The following CNTN4 variants were observed in gnomAD, a reference collection of about 807,000 sequenced individuals.
CNTN4 encodes contactin 4, also known as contactin-4.
A neutral mutation model predicts 122.5 loss-of-function variants in CNTN4; 77 were observed. That is an observed-to-expected ratio of 0.63 (90% CI 0.52 to 0.76). CNTN4 has a LOEUF of 0.76. Among genes scored for constraint, CNTN4 ranks in the 30% least tolerant of loss-of-function variants. The pLI is 0.00. For missense variants in CNTN4, 1,256 were observed against 1,259.1 expected, an observed-to-expected ratio of 1.00 and a Z score of 0.04; for synonymous variants, 512 against 447.0, an observed-to-expected ratio of 1.15 and a Z score of -1.83.
chr3:2,367,921 T>C (rs959292914), intron 3 of CNTN4, among the ~76,000 whole-genome samples: 2 of 152,182 alleles, frequency 1.3e-5, no homozygotes, highest in Non-Finnish European at 2.9e-5. Flanking sequence ...GTAAGTACTA[T>C]TATTTTTCTC....
At chr3:2,859,295 T>C (rs955917985) in intron 7 of CNTN4, among the ~76,000 whole-genome samples, 4 of 152,234 alleles carry the variant, frequency 2.6e-5, no homozygotes, top group African/African-American at 9.6e-5. Flanking sequence ...ATTTTCTTCA[T>C]TCATTCATCC....
intron 11 of CNTN4, among the ~76,000 whole-genome samples, chr3:2,901,488 A>G (rs1003212258): frequency 6.6e-6 from 1 of 152,172 alleles, no homozygotes; most frequent in Non-Finnish European, 1.5e-5. Flanking sequence ...CCCCTGCCTC[A>G]TGCACCTTCT....
rs762357782 is a variant in CNTN4 at position 2,162,792 on chromosome 3, TAAAAG to T, written c.-145+62157_-145+62161del. On this transcript the variant is annotated intron_variant, in intron 2 of 24. Coordinates refer to ENST00000418658, the MANE Select transcript of CNTN4 (RefSeq NM_175607.3). ...TCAGGAGGATATCACATTTATCAAA[TAAAAG>T]AAACAATAAGAAAACAGGGCTGGGT... Among the ~76,000 whole-genome samples the T allele has an allele frequency of 2.6e-5, 4 of 152,128 alleles. No individual in the cohort carries two copies. In the East Asian group the frequency reaches 7.7e-4, roughly 29 times the overall value.
At chr3:2,628,665 GA>G (rs1237408360) in intron 4 of CNTN4, among the ~76,000 whole-genome samples, 5 of 152,156 alleles carry the variant, frequency 3.3e-5, no homozygotes, top group Admixed American at 6.5e-5. Context: ...AATTTAGAAA[GA>G]AATCAGATCT....
rs150009061 is a variant in CNTN4 at position 2,903,801 on chromosome 3, C to T, written c.1207+796C>T. ...CCACTGCATTTTAACCTCCCCGTGACGTCAAGGATCATAATTGGTTCAATT... is the reference window on the plus strand; with the variant it reads ...CCACTGCATTTTAACCTCCCCGTGATGTCAAGGATCATAATTGGTTCAATT... On this transcript the variant is annotated intron_variant, in intron 12 of 24. Transcript: ENST00000418658. 4.6e-5 allele frequency among the ~76,000 whole-genome samples: 7 copies of T among 152,124 alleles called. No individual in the cohort carries two copies. The East Asian group carries it at 7.7e-4, about 17-fold the overall frequency.
chr3:2,491,114 A>C (rs574115399), intron 3 of CNTN4, among the ~76,000 whole-genome samples: 10 of 152,300 alleles, frequency 6.6e-5, no homozygotes, highest in South Asian at 2.1e-4. Flanking sequence ...CCAATAGAAC[A>C]AGACATTTAA....
intron 23 of CNTN4, among the ~76,000 whole-genome samples, chr3:3,044,323 G>A (rs989456918): frequency 1.3e-5 from 2 of 152,284 alleles, no homozygotes; most frequent in Middle Eastern, 3.4e-3. Context: ...GAAGCTAGGG[G>A]CTAAAACAGC....
At chr3:2,518,709 A>G (rs1189381125) in intron 3 of CNTN4, among the ~76,000 whole-genome samples, 1 of 152,156 alleles carries the variant, frequency 6.6e-6, no homozygotes, top group African/African-American at 2.4e-5. Context: ...GGCTAAATGG[A>G]TAAACCTAAA....
intron 2 of CNTN4, among the ~76,000 whole-genome samples, chr3:2,255,824 G>T (rs2040566590): frequency 6.6e-6 from 1 of 152,094 alleles, no homozygotes; most frequent in Non-Finnish European, 1.5e-5. Context: ...CTAAGTGCCT[G>T]CAAGAGAAAA....
At chr3:3,044,701 A>T (rs1188920892) in intron 23 of CNTN4, among the ~76,000 whole-genome samples, 1 of 152,192 alleles carries the variant, frequency 6.6e-6, no homozygotes, top group Non-Finnish European at 1.5e-5. Context: ...TAGACTGGTG[A>T]TTTCTACATT....
rs570891701 is a variant in CNTN4 at position 2,921,245 on chromosome 3, G to A, written c.1208-4384G>A. On this transcript the variant is annotated intron_variant, in intron 12 of 24. Transcript: ENST00000418658. ...AGAGACTGAGTCTCACTGTGTCACC[G>A]AGGCTGGTCTTGAACTCCTGGTTTC... Among the ~76,000 whole-genome samples, 12 of 152,258 alleles carry A rather than the reference G, an allele frequency of 7.9e-5. No homozygotes were observed. In the South Asian group the frequency reaches 1.9e-3, roughly 24 times the overall value.
At chr3:2,694,556 C>G (rs769111432) in intron 4 of CNTN4, among the ~76,000 whole-genome samples, 9 of 152,084 alleles carry the variant, frequency 5.9e-5, no homozygotes, top group Non-Finnish European at 8.8e-5. Flanking sequence ...ATAACAAAGC[C>G]CCGTCTCTAC....
intron 2 of CNTN4, among the ~76,000 whole-genome samples, chr3:2,154,388 A>AC (rs1489467649): frequency 1.3e-5 from 2 of 152,024 alleles, no homozygotes; most frequent in African/African-American, 4.8e-5. Flanking sequence ...TCAAAAAAAA[A>AC]AAAAATAAAA....
At chr3:3,055,484 A>T (rs187755384) in intron 24 of CNTN4, among the ~76,000 whole-genome samples, 1 of 152,354 alleles carries the variant, frequency 6.6e-6, no homozygotes, top group Admixed American at 6.5e-5. Context: ...AGACCTTACA[A>T]GATTGAAGAA....
At chr3:2,549,727 G>A (rs2078402988) in intron 3 of CNTN4, among the ~76,000 whole-genome samples, 1 of 152,148 alleles carries the variant, frequency 6.6e-6, no homozygotes, top group Non-Finnish European at 1.5e-5. Context: ...ATGAGTTAGG[G>A]AGGAGTCCTT....
intron 4 of CNTN4, among the ~76,000 whole-genome samples, chr3:2,733,225 G>A (rs1331660171): frequency 6.6e-6 from 1 of 152,086 alleles, no homozygotes; most frequent in East Asian, 1.9e-4. Context: ...TGAGATGATT[G>A]ATATTATATA....
chr3:2,681,199 A>C (rs931745414), intron 4 of CNTN4, among the ~76,000 whole-genome samples: 3 of 152,226 alleles, frequency 2.0e-5, no homozygotes, highest in African/African-American at 7.2e-5. Flanking sequence ...TAATTTAATA[A>C]CAATCTCAGA....
intron 2 of CNTN4, among the ~76,000 whole-genome samples, chr3:2,226,577 A>G (rs1224355116): frequency 1.3e-5 from 2 of 152,174 alleles, no homozygotes; most frequent in Admixed American, 6.5e-5. Context: ...TTCATTAATT[A>G]TGCTCAGAGG....
intron 2 of CNTN4, among the ~76,000 whole-genome samples, chr3:2,329,820 A>G (rs1272213615): frequency 1.3e-5 from 2 of 152,198 alleles, no homozygotes; most frequent in Admixed American, 6.5e-5. Flanking sequence ...AGTCCTCCTA[A>G]CAGCCCTTAT....
Sources: allele counts gnomAD v4.1 joint callset (sites outside exome capture counted in the v4.1 genomes callset), GRCh38; gene constraint gnomAD v4.1.1; transcripts MANE v1.5; gene names NCBI Gene and HGNC (gene_info 2026-07-23, HGNC 2026-07-21).